Variants in TMEM117 observed in about 807,000 individuals in gnomAD.
The protein encoded by TMEM117 is transmembrane protein 117.
Under a neutral mutation model 52.4 loss-of-function variants are expected in TMEM117, and 27 were observed. The observed-to-expected ratio is 0.51, with a 90% CI of 0.38 to 0.71. The LOEUF is 0.71. Among genes scored for constraint, TMEM117 ranks in the 30% least tolerant of loss-of-function variants. The pLI, the probability that TMEM117 is intolerant of heterozygous loss-of-function variation, is 0.00. For synonymous variants in TMEM117, 215 were observed against 206.3 expected, an observed-to-expected ratio of 1.04 and a Z score of -0.36; for missense variants, 556 against 630.5, an observed-to-expected ratio of 0.88 and a Z score of 1.26.
intron 3 of TMEM117, among the ~76,000 whole-genome samples, chr12:43,986,336 A>G (rs1351849404): frequency 6.6e-6 from 1 of 152,166 alleles, no homozygotes. Context: ...AGTTTTTGAT[A>G]TAAAGTATTT....
intron 3 of TMEM117, among the ~76,000 whole-genome samples, chr12:44,067,321 C>T (rs547107573): frequency 6.6e-6 from 1 of 152,310 alleles, no homozygotes; most frequent in African/African-American, 2.4e-5. Context: ...TTAATGTCAT[C>T]TAGAATGGTG....
Position 44,238,646 on chromosome 12 carries a change from A to AAAC in TMEM117, c.608+27283_608+27285dup, listed in dbSNP as rs748966377. 1.6e-3 allele frequency among the ~76,000 whole-genome samples: 240 copies of AAAC among 151,832 alleles called. 1 individual carries two copies. Among genetic ancestry groups the AAAC allele is most frequent in the African/African-American group, 4.4e-3 (181 of 41,422 alleles). ...GGGAACATAACAAGACCCTGTCTCT[A>AAAC]AACAACAACAACAACAACAACAACA... On this transcript the variant is annotated intron_variant, in intron 5 of 7. Transcript: ENST00000266534.
At chr12:44,160,883 A>G (rs1948889686) in intron 4 of TMEM117, among the ~76,000 whole-genome samples, 1 of 152,218 alleles carries the variant, frequency 6.6e-6, no homozygotes, top group Non-Finnish European at 1.5e-5. Context: ...TAGTAATTAC[A>G]ATAGTAATAT....
At chr12:43,875,339 A>T (rs1258133248) in intron 2 of TMEM117, among the ~76,000 whole-genome samples, 1 of 152,096 alleles carries the variant, frequency 6.6e-6, no homozygotes, top group East Asian at 1.9e-4. Context: ...CTTGTACTGG[A>T]GATCCAGTAG....
chr12:43,948,033 T>A (rs1945161433), intron 3 of TMEM117, among the ~76,000 whole-genome samples: 1 of 152,174 alleles, frequency 6.6e-6, no homozygotes, highest in Non-Finnish European at 1.5e-5. Flanking sequence ...CAAGAGTTTT[T>A]AGCCCAGAGT....
intron 3 of TMEM117, among the ~76,000 whole-genome samples, chr12:44,027,546 A>C (rs1471143881): frequency 2.6e-5 from 4 of 152,126 alleles, no homozygotes. Context: ...ATGTTCCTCC[A>C]TTTGCAGTTA....
intron 7 of TMEM117, among the ~76,000 whole-genome samples, chr12:44,384,615 C>CA (rs1952063835): frequency 6.6e-6 from 1 of 152,174 alleles, no homozygotes; most frequent in Non-Finnish European, 1.5e-5. Flanking sequence ...CATAGAGCCA[C>CA]ACACTGAGTC....
chr12:44,350,103 A>G (rs899274901), intron 6 of TMEM117, among the ~76,000 whole-genome samples: 3 of 151,996 alleles, frequency 2.0e-5, no homozygotes, highest in African/African-American at 4.8e-5. Context: ...TTATCTTCCA[A>G]TTATTTTCTC....
intron 4 of TMEM117, among the ~76,000 whole-genome samples, chr12:44,156,990 G>T (rs1647587688): frequency 6.6e-6 from 1 of 152,046 alleles, no homozygotes. Flanking sequence ...CATCCTTCAT[G>T]GAAAACCTGA....
intron 5 of TMEM117, among the ~76,000 whole-genome samples, chr12:44,215,788 GA>G (rs1949708574): frequency 1.3e-5 from 2 of 151,836 alleles, no homozygotes; most frequent in African/African-American, 4.8e-5. Flanking sequence ...TGGAAGAAGG[GA>G]TTGGGAGATC....
At chr12:44,341,526 A>G (rs1382854702) in intron 6 of TMEM117, among the ~76,000 whole-genome samples, 2 of 152,098 alleles carry the variant, frequency 1.3e-5, no homozygotes, top group Non-Finnish European at 2.9e-5. Flanking sequence ...TGGACTGTTC[A>G]GTTGATTCTG....
chr12:44,053,144 T>TA (rs1565808874), intron 3 of TMEM117, among the ~76,000 whole-genome samples: 1 of 152,216 alleles, frequency 6.6e-6, no homozygotes, highest in East Asian at 1.9e-4. Context: ...CTCAGTCTCA[T>TA]ACACTTGCCT....
At chr12:44,299,175 G>C (rs1218477288) in intron 5 of TMEM117, among the ~76,000 whole-genome samples, 1 of 143,492 alleles carries the variant, frequency 7.0e-6, no homozygotes, top group East Asian at 2.0e-4. Context: ...CTGTCACCCA[G>C]GCTGGAGTGC....
chr12:44,153,407 A>T (rs759467922), intron 4 of TMEM117, among the ~76,000 whole-genome samples: 1 of 151,254 alleles, frequency 6.6e-6, no homozygotes, highest in African/African-American at 2.4e-5. Flanking sequence ...TTTTGGTTCA[A>T]TTTTTTTTTC....
At chr12:43,877,882 A>AAAAAC (rs1943828565) in intron 2 of TMEM117, among the ~76,000 whole-genome samples, 1 of 141,802 alleles carries the variant, frequency 7.1e-6, no homozygotes, top group Non-Finnish European at 1.5e-5. Flanking sequence ...CTTTTTTTGT[A>AAAAAC]AAAACAAAAC....
In TMEM117 at chr12:43,887,522, C is replaced by G. The variant is rs575835603; in HGVS notation, c.277+42594C>G. Among the ~76,000 whole-genome samples the G allele has an allele frequency of 5.3e-5, 8 of 152,304 alleles. No homozygotes were observed. In the East Asian group the frequency reaches 1.2e-3, roughly 22 times the overall value. ...TAAGGATGTTCTTTAAAATGTGGAA[C>G]TGGAGTCTACTTAGGGTTTAGTCTG... On this transcript the variant is annotated intron_variant, in intron 2 of 7. Coordinates refer to ENST00000266534, the MANE Select transcript of TMEM117 (RefSeq NM_032256.3).
intron 4 of TMEM117, among the ~76,000 whole-genome samples, chr12:44,210,728 G>T (rs534645723): frequency 2.0e-4 from 31 of 152,212 alleles, no homozygotes; most frequent in African/African-American, 7.5e-4. Flanking sequence ...CTCGGAAGAT[G>T]GGCAGAATCT....
intron 5 of TMEM117, chr12:44,248,374 T>A (rs1303518952): frequency 6.6e-6 from 1 of 152,240 alleles, no homozygotes; most frequent in Non-Finnish European, 1.5e-5. Flanking sequence ...ACACAGTTTA[T>A]GTTCAGTTTA....
the TMEM117 span, among the ~76,000 whole-genome samples, chr12:43,799,966 C>G: frequency 6.6e-6 from 1 of 151,920 alleles, no homozygotes; most frequent in East Asian, 1.9e-4. Flanking sequence ...AGAGGTCTAC[C>G]TATCATCAAA....
Sources: gnomAD v4.1 joint callset for allele counts (sites outside exome capture counted in the v4.1 genomes callset) on GRCh38, gnomAD v4.1.1 for gene constraint, MANE v1.5 for transcripts, NCBI Gene and HGNC (gene_info 2026-07-23, HGNC 2026-07-21) for gene names.